Variants in SAMD4A observed in about 807,000 individuals in gnomAD.
The protein encoded by SAMD4A is sterile alpha motif domain containing 4A.
SAMD4A carries 33 observed loss-of-function variants against 81.3 expected under a neutral mutation model. The observed-to-expected ratio is 0.41, with a 90% confidence interval of 0.31 to 0.54. SAMD4A has a LOEUF of 0.54. SAMD4A is among the 20% of genes least tolerant of loss of function. The pLI is 0.37. For missense variants in SAMD4A, 854 were observed against 951.1 expected, an observed-to-expected ratio of 0.90 and a Z score of 1.34; for synonymous variants, 389 against 382.1, an observed-to-expected ratio of 1.02 and a Z score of -0.21.
intron 2 of SAMD4A, among the ~76,000 whole-genome samples, chr14:54,672,211 C>T (rs1161114363): frequency 6.6e-6 from 1 of 151,872 alleles, no homozygotes; most frequent in African/African-American, 2.4e-5. Context: ...GGGCATATGC[C>T]ACCACATCCA....
At chr14:54,722,100 GT>G (rs1476072654) in intron 3 of SAMD4A, among the ~76,000 whole-genome samples, 1 of 152,204 alleles carries the variant, frequency 6.6e-6, no homozygotes, top group Non-Finnish European at 1.5e-5. Context: ...GGTGAAATAA[GT>G]CTTTCATGGC....
chr14:54,627,685 T>G (rs2034798105), intron 2 of SAMD4A, among the ~76,000 whole-genome samples: 1 of 152,226 alleles, frequency 6.6e-6, no homozygotes, highest in Admixed American at 6.5e-5. Flanking sequence ...CATCCTTCCT[T>G]GCCCTCCTCC....
Position 54,789,274 on chromosome 14 carries a change from T to C in SAMD4A, c.*330T>C. ...GGAACGGGGACAGGGGAAAGAGTAC[T>C]GCCATGAAAGAGATAGGAGACACAT... On this transcript the variant is annotated 3_prime_UTR_variant, in exon 13 of 13. Coordinates refer to ENST00000554335, the MANE Select transcript of SAMD4A (RefSeq NM_015589.6). 1 of 415,410 alleles carries C rather than the reference T, an allele frequency of 2.4e-6. No individual in the cohort carries two copies. Among genetic ancestry groups the C allele is most frequent in the Non-Finnish European group, 4.4e-6 (1 of 226,460 alleles). 25.7% of individuals were successfully genotyped at this position (415,410 alleles called of 1,614,324 possible).
chr14:54,575,788 C>T (rs1206394914), intron 2 of SAMD4A, among the ~76,000 whole-genome samples: 1 of 152,148 alleles, frequency 6.6e-6, no homozygotes, highest in East Asian at 1.9e-4. Context: ...AGTGTGGTCA[C>T]TCATTAAATT....
chr14:54,665,837 A>G (rs2035746376), intron 2 of SAMD4A, among the ~76,000 whole-genome samples: 1 of 152,202 alleles, frequency 6.6e-6, no homozygotes, highest in Non-Finnish European at 1.5e-5. Flanking sequence ...TACCTGCCTG[A>G]TGTTTCAGGC....
intron 4 of SAMD4A, among the ~76,000 whole-genome samples, chr14:54,738,948 C>G (rs903532073): frequency 1.3e-4 from 20 of 152,016 alleles, no homozygotes; most frequent in Admixed American, 1.2e-3. Flanking sequence ...TATAGAAGGG[C>G]CATTCACCAG....
chr14:54,594,639 AG>A (rs1221345528), intron 2 of SAMD4A, among the ~76,000 whole-genome samples: 2 of 152,206 alleles, frequency 1.3e-5, no homozygotes, highest in African/African-American at 4.8e-5. Context: ...TAGTATTCAG[AG>A]GTTAAATTTT....
chr14:54,608,343 C>T (rs1242654390), intron 2 of SAMD4A, among the ~76,000 whole-genome samples: 3 of 152,184 alleles, frequency 2.0e-5, no homozygotes, highest in Non-Finnish European at 4.4e-5. Context: ...AATCTGCCTC[C>T]AGTCTCTGTC....
At chr14:54,593,068 T>C (rs2033822277) in intron 2 of SAMD4A, among the ~76,000 whole-genome samples, 1 of 152,220 alleles carries the variant, frequency 6.6e-6, no homozygotes, top group Admixed American at 6.5e-5. Context: ...AACCCCTAAA[T>C]ACCCAACATT....
chr14:54,584,111 C>A (rs1337253892), intron 2 of SAMD4A, among the ~76,000 whole-genome samples: 2 of 152,110 alleles, frequency 1.3e-5, no homozygotes, highest in Non-Finnish European at 2.9e-5. Context: ...ATAAATATTT[C>A]TAGTTTTTTG....
chr14:54,746,386 G>T (rs914776842), intron 4 of SAMD4A, among the ~76,000 whole-genome samples: 3 of 152,204 alleles, frequency 2.0e-5, no homozygotes, highest in African/African-American at 7.2e-5. Flanking sequence ...GCATCTAGAA[G>T]TAACTCTTCA....
intron 2 of SAMD4A, chr14:54,652,573 G>A (rs1023045756): frequency 5.3e-5 from 8 of 151,884 alleles, no homozygotes; most frequent in Middle Eastern, 3.2e-3. Context: ...TTTAAATCAC[G>A]TCCATTATCT....
At chr14:54,635,653 C>T (rs1292136126) in intron 2 of SAMD4A, among the ~76,000 whole-genome samples, 1 of 150,696 alleles carries the variant, frequency 6.6e-6, no homozygotes, top group Non-Finnish European at 1.5e-5. Flanking sequence ...GAGGCTGAGG[C>T]AAGAGAATCA....
At chr14:54,606,546 C>G (rs1318769651) in intron 2 of SAMD4A, among the ~76,000 whole-genome samples, 1 of 152,144 alleles carries the variant, frequency 6.6e-6, no homozygotes, top group Non-Finnish European at 1.5e-5. Flanking sequence ...ACAGTAACCT[C>G]GGGAAGATGA....
intron 2 of SAMD4A, among the ~76,000 whole-genome samples, chr14:54,638,342 C>G (rs1465758881): frequency 6.6e-6 from 1 of 152,158 alleles, no homozygotes; most frequent in Non-Finnish European, 1.5e-5. Context: ...ATTTGTCATG[C>G]TGAGTTGGCT....
intron 11 of SAMD4A, among the ~76,000 whole-genome samples, chr14:54,777,814 C>T (rs2038897516): frequency 6.6e-6 from 1 of 152,222 alleles, no homozygotes; most frequent in Non-Finnish European, 1.5e-5. Flanking sequence ...TTCCAAAACT[C>T]TGCTCACTTT....
intron 2 of SAMD4A, among the ~76,000 whole-genome samples, chr14:54,588,739 T>C (rs2140173137): frequency 6.6e-6 from 1 of 152,314 alleles, no homozygotes; most frequent in Middle Eastern, 3.4e-3. Flanking sequence ...TTTTCTTCTG[T>C]CTCCTTTTCC....
chr14:54,661,940 GAA>G (rs34567888), intron 2 of SAMD4A, among the ~76,000 whole-genome samples: 1 of 147,626 alleles, frequency 6.8e-6, no homozygotes, highest in African/African-American at 2.5e-5. Flanking sequence ...CCACTATCTG[GAA>G]AAAAAAAAAT....
rs1249869962 is a variant in SAMD4A at position 54,776,457 on chromosome 14, G to A, written c.1961G>A (p.Ser654Asn). Residue 654 changes from serine (S) to asparagine (N), a missense_variant, in exon 11 of 13, where the codon AGC (serine) becomes AAC (asparagine). This residue lies in a region of SAMD4A where 428 missense variants were observed against 471.2 expected (regional missense o/e 0.91). Transcript: ENST00000554335. ...ANPGGSNSMP[S>N]RTHSSVQRTR... ...CCCGGGGGCAGCAATAGCATGCCAA[G>A]CCGCACCCACAGCTCAGTCCAGAGG... 6.3e-7 allele frequency: 1 copy of A among 1,595,376 alleles called. No homozygotes were observed. Among genetic ancestry groups the A allele is most frequent in the Admixed American group, 1.8e-5 (1 of 57,110 alleles).
Sources: allele counts gnomAD v4.1 joint callset (sites outside exome capture counted in the v4.1 genomes callset), GRCh38; gene constraint gnomAD v4.1.1; regional missense constraint gnomAD v4.1.1; transcripts MANE v1.5; gene names NCBI Gene and HGNC (gene_info 2026-07-23, HGNC 2026-07-21).